Variants in SYNE1 observed in about 807,000 individuals in gnomAD.
The protein encoded by SYNE1 is spectrin repeat containing nuclear envelope protein 1.
Under a neutral mutation model 1,111.0 loss-of-function variants are expected in SYNE1, and 616 were observed. That is an observed-to-expected ratio of 0.55 (90% CI 0.52 to 0.59). The LOEUF is 0.59. Among genes scored for constraint, SYNE1 ranks in the 20% least tolerant of loss-of-function variants. The pLI, the probability that SYNE1 is intolerant of heterozygous loss-of-function variation, is 0.00. For missense variants in SYNE1, 10,006 were observed against 10,417.0 expected (o/e 0.96, Z 1.72); for synonymous variants, 3,855 against 3,825.8 (o/e 1.01, Z -0.28).
In SYNE1 at chr6:152,218,517, T is replaced by C. The variant is rs1309604489; in HGVS notation, c.22045-114A>G. ...TAAAATTATTTTTCATATTCTTGTA[T>C]CAAATTGCCATTCTCTAGACGTTCC... On this transcript the variant is annotated intron_variant, in intron 120 of 145. Transcript: ENST00000367255. 5 of 1,218,092 alleles carry C rather than the reference T, an allele frequency of 4.1e-6. No individual in the cohort carries two copies. In the East Asian group the frequency reaches 1.2e-4, roughly 29 times the overall value. The allele number at this position is 1,218,092 out of a possible 1,614,324, so 75.5% of individuals were successfully genotyped here.
rs1404802330 is a variant in SYNE1, at chr6:152,122,132, C to T, written c.*304G>A. On this transcript the variant is annotated 3_prime_UTR_variant, in exon 146 of 146. Coordinates refer to ENST00000367255, the MANE Select transcript of SYNE1 (RefSeq NM_182961.4). ...GTCCTTGGCTGTGCACAGAATGGGC[C>T]AAGGGCCCAGAATTCATGAGTCCGG... 2.4e-6 allele frequency: 1 copy of T among 424,020 alleles called. No homozygotes were observed. Among genetic ancestry groups the T allele is most frequent in the East Asian group, 5.0e-5 (1 of 19,832 alleles). 26.3% of individuals were successfully genotyped at this position (424,020 alleles called of 1,614,324 possible).
intron 105 of SYNE1, among the ~76,000 whole-genome samples, chr6:152,246,148 C>A (rs1422024602): frequency 6.6e-6 from 1 of 152,280 alleles, no homozygotes; most frequent in East Asian, 1.9e-4. Flanking sequence ...TGCAGGAACT[C>A]TTAAAATTAT....
chr6:152,568,699 C>G (rs1001995775), intron 3 of SYNE1, among the ~76,000 whole-genome samples: 1 of 152,136 alleles, frequency 6.6e-6, no homozygotes, highest in Admixed American at 6.5e-5. Context: ...GCCTCCAACT[C>G]CTCGTCTCAG....
chr6:152,550,719 T>C (rs2099340877), intron 3 of SYNE1, among the ~76,000 whole-genome samples: 1 of 152,032 alleles, frequency 6.6e-6, no homozygotes, highest in Non-Finnish European at 1.5e-5. Context: ...ATGTGAAAAT[T>C]CATACTTTTC....
rs148664724 is a variant in SYNE1 at position 152,269,299 on chromosome 6, A to G, written c.18574-13T>C. 1.1e-3 allele frequency: 1,847 copies of G among 1,614,026 alleles called. 3 individuals are homozygous for G. Among genetic ancestry groups the G allele is most frequent in the Non-Finnish European group, 1.2e-3 (1,409 of 1,180,032 alleles). On this transcript the variant is annotated splice_polypyrimidine_tract_variant and intron_variant, in intron 98 of 145. Coordinates refer to ENST00000367255, the MANE Select transcript of SYNE1 (RefSeq NM_182961.4). ...CCTGTGCTGTTCCCTGCTTTTAACGAGGCAGAAATCAAGTCATGCTACACA... is the reference window on the plus strand; with the variant it reads ...CCTGTGCTGTTCCCTGCTTTTAACGGGGCAGAAATCAAGTCATGCTACACA...
chr6:152,524,971 G>A (rs961443591), intron 5 of SYNE1, among the ~76,000 whole-genome samples: 1 of 152,076 alleles, frequency 6.6e-6, no homozygotes, highest in African/African-American at 2.4e-5. Flanking sequence ...TGCAACTTGT[G>A]CCTTTAAGAA....
intron 77 of SYNE1, among the ~76,000 whole-genome samples, chr6:152,332,548 C>T (rs974789558): frequency 6.6e-6 from 1 of 152,132 alleles, no homozygotes; most frequent in African/African-American, 2.4e-5. Context: ...TAATGTTAAA[C>T]AGTGAGAAGC....
intron 85 of SYNE1, among the ~76,000 whole-genome samples, chr6:152,318,517 A>G (rs1017612112): frequency 2.0e-5 from 3 of 152,244 alleles, no homozygotes; most frequent in Non-Finnish European, 4.4e-5. Flanking sequence ...AAAAAGGATT[A>G]GAGTCCCTGA....
At chr6:152,302,333 G>A (rs895953028) in intron 91 of SYNE1, 4 of 544,616 alleles carry the variant, frequency 7.3e-6, no homozygotes, top group African/African-American at 3.8e-5. Flanking sequence ...CGAATGAGTG[G>A]TTTCTAATCG....
Position 152,326,508 on chromosome 6 carries a change from G to T in SYNE1, c.15081C>A (p.Ser5027Arg), listed in dbSNP as rs768637699. 1.2e-6 allele frequency: 2 copies of T among 1,614,160 alleles called. No homozygotes were observed. The highest frequency in any genetic ancestry group is 1.1e-5 in the South Asian group (1 of 91,082). The part of the protein sequence containing the change: ...QLAGNGLDVE[S>R]AEENLKSHME... ...TGTGGCTTTTGAGATTTTCCTCTGC[G>T]CTCTCCACGTCTAGGCCATTGCCTG... is the stretch of plus-strand genomic sequence containing the variant. The change falls in exon 79 of 146, where the codon AGC (serine) becomes AGA (arginine). Residue 5027 changes from serine to arginine, a missense_variant. This residue lies in a region of SYNE1 where 4,955 missense variants were observed against 5,017.2 expected (regional missense o/e 0.99). Transcript: ENST00000367255.
rs139616212 is a variant in SYNE1 at position 152,609,164 on chromosome 6, G to A, written c.67+19101C>T. 7.2e-5 allele frequency among the ~76,000 whole-genome samples: 11 copies of A among 152,128 alleles called. No individual in the cohort carries two copies. The East Asian group carries it at 2.0e-3, about 27-fold the overall frequency. ...GAGGGTGAGCTGACGAAGCAGGGTG[G>A]GGCACCGCCTCACCTCGGAAGTGCA... On this transcript the variant is annotated intron_variant, in intron 3 of 145. Transcript: ENST00000367255.
intron 3 of SYNE1, chr6:152,546,207 A>C (rs1262443828): frequency 6.6e-6 from 1 of 152,222 alleles, no homozygotes; most frequent in Non-Finnish European, 1.5e-5. Context: ...ATAGTCCAAC[A>C]CAAGAAAATG....
chr6:152,537,888 G>T (rs1315079240), intron 4 of SYNE1, among the ~76,000 whole-genome samples: 1 of 152,086 alleles, frequency 6.6e-6, no homozygotes, highest in Admixed American at 6.6e-5. Flanking sequence ...TCTTAAACCT[G>T]CCACTACCTA....
intron 41 of SYNE1, among the ~76,000 whole-genome samples, chr6:152,414,026 T>C (rs2098115190): frequency 6.6e-6 from 1 of 150,894 alleles, no homozygotes; most frequent in African/African-American, 2.4e-5. Context: ...TTTTTAAACT[T>C]AAATTACCTA....
At chr6:152,599,203 T>C (rs900355156) in intron 3 of SYNE1, among the ~76,000 whole-genome samples, 1 of 151,534 alleles carries the variant, frequency 6.6e-6, no homozygotes, top group Non-Finnish European at 1.5e-5. Context: ...AATTTTAAAA[T>C]GGACAAGCCA....
Position 152,291,177 on chromosome 6 carries a change from G to A in SYNE1, c.18012+2411C>T, listed in dbSNP as rs1189066. On this transcript the variant is annotated intron_variant, in intron 95 of 145. Coordinates refer to ENST00000367255, the MANE Select transcript of SYNE1 (RefSeq NM_182961.4). ...ATATTAATATGATATATTAATATAT[G>A]CAATTATATTAATATGATATATTAA... 8.8e-3 allele frequency among the ~76,000 whole-genome samples: 861 copies of A among 98,044 alleles called. 103 individuals carry two copies. Among genetic ancestry groups the A allele is most frequent in the African/African-American group, 0.039 (769 of 19,828 alleles). The allele number at this position is 98,044 out of a possible 152,430, so 64.3% of individuals were successfully genotyped here. A position where few individuals can be genotyped will look rare whatever the true frequency, so the allele number is the denominator to read the frequency against.
intron 3 of SYNE1, among the ~76,000 whole-genome samples, chr6:152,577,226 G>A (rs1302503015): frequency 2.0e-5 from 3 of 152,152 alleles, no homozygotes; most frequent in East Asian, 3.8e-4. Flanking sequence ...CTAACCTAGG[G>A]TGCATGGTTT....
chr6:152,229,570 G>C (rs962760383), intron 115 of SYNE1, among the ~76,000 whole-genome samples: 3 of 152,144 alleles, frequency 2.0e-5, no homozygotes, highest in Non-Finnish European at 2.9e-5. Context: ...ACTGTGAAGT[G>C]CTTGTTCAGA....
At chr6:152,625,676 T>G (rs2099684291) in intron 3 of SYNE1, among the ~76,000 whole-genome samples, 1 of 152,184 alleles carries the variant, frequency 6.6e-6, no homozygotes, top group Non-Finnish European at 1.5e-5. Context: ...ATGCAATAAG[T>G]ATAGTTACTT....
Sources: gnomAD v4.1 joint callset for allele counts (sites outside exome capture counted in the v4.1 genomes callset) on GRCh38, gnomAD v4.1.1 for gene constraint, gnomAD v4.1.1 regional missense constraint, MANE v1.5 for transcripts, NCBI Gene and HGNC (gene_info 2026-07-23, HGNC 2026-07-21) for gene names.